B3GALT1: variants seen among roughly 807,000 people sequenced by gnomAD.
B3GALT1 encodes beta-1,3-galactosyltransferase 1.
A neutral mutation model predicts 23.2 loss-of-function variants in B3GALT1; 10 were observed. That is an observed-to-expected ratio of 0.43 (90% CI 0.27 to 0.73). The LOEUF is 0.73. Among genes scored for constraint, B3GALT1 ranks in the 30% least tolerant of loss-of-function variants. The probability of loss-of-function intolerance (pLI) is 0.21; values close to 1 mark genes in which losing one functional copy is unlikely to be tolerated. For missense variants in B3GALT1, 299 were observed against 405.4 expected (o/e 0.74, Z 2.25); for synonymous variants, 156 against 141.5 (o/e 1.10, Z -0.73).
intron 2 of B3GALT1, among the ~76,000 whole-genome samples, chr2:167,601,515 T>G (rs896929779): frequency 5.3e-5 from 8 of 152,226 alleles, no homozygotes; most frequent in Non-Finnish European, 1.0e-4. Context: ...CATTACATGT[T>G]TTTACACTTC....
At chr2:167,508,276 C>G (rs1171384742) in intron 2 of B3GALT1, among the ~76,000 whole-genome samples, 11 of 87,820 alleles carry the variant, frequency 1.3e-4, no homozygotes, top group African/African-American at 4.8e-4. Flanking sequence ...TTTTTTTTTT[C>G]AGACGGAGTC....
At chr2:167,336,785 T>C (rs1697064158) in intron 1 of B3GALT1, among the ~76,000 whole-genome samples, 1 of 152,262 alleles carries the variant, frequency 6.6e-6, no homozygotes, top group African/African-American at 2.4e-5. Flanking sequence ...TTTTCTTAAA[T>C]CAGTAGTTGG....
At chr2:167,581,273 A>G (rs1383807897) in intron 2 of B3GALT1, among the ~76,000 whole-genome samples, 1 of 152,212 alleles carries the variant, frequency 6.6e-6, no homozygotes, top group Non-Finnish European at 1.5e-5. Context: ...TAAATAGGCA[A>G]TTTCAATATA....
At chr2:167,574,380 A>G (rs186567773) in intron 2 of B3GALT1, among the ~76,000 whole-genome samples, 1 of 151,862 alleles carries the variant, frequency 6.6e-6, no homozygotes, top group Non-Finnish European at 1.5e-5. Flanking sequence ...TACCAGTAGT[A>G]GTCAACTAAA....
intron 2 of B3GALT1, among the ~76,000 whole-genome samples, chr2:167,582,845 C>T (rs75703942): frequency 0.073 from 11,108 of 152,248 alleles, 582 homozygotes; most frequent in Non-Finnish European, 0.12. Context: ...AGGCCCCGCA[C>T]TGATCCTGGC....
At chr2:167,472,190 G>A (rs1342098618) in intron 1 of B3GALT1, among the ~76,000 whole-genome samples, 1 of 152,140 alleles carries the variant, frequency 6.6e-6, no homozygotes, top group South Asian at 2.1e-4. Context: ...TTAGACAATC[G>A]TTATGTGTTG....
chr2:167,553,104 A>G (rs1020005458), intron 2 of B3GALT1, among the ~76,000 whole-genome samples: 7 of 152,196 alleles, frequency 4.6e-5, no homozygotes, highest in African/African-American at 1.7e-4. Context: ...AATCCAGAGA[A>G]TAATTTTTAA....
intron 2 of B3GALT1, among the ~76,000 whole-genome samples, chr2:167,586,475 A>G (rs1042372231): frequency 2.6e-5 from 4 of 151,842 alleles, no homozygotes; most frequent in African/African-American, 9.7e-5. Context: ...AATTTTTTGT[A>G]TTTTTAGTAG....
intron 4 of B3GALT1, among the ~76,000 whole-genome samples, chr2:167,842,429 G>A (rs539375531): frequency 2.4e-4 from 36 of 152,198 alleles, no homozygotes; most frequent in East Asian, 2.1e-3. Context: ...GAAATAAATC[G>A]TAAGTGACTA....
At chr2:167,425,453 A>G (rs1698609661) in intron 1 of B3GALT1, among the ~76,000 whole-genome samples, 1 of 152,218 alleles carries the variant, frequency 6.6e-6, no homozygotes, top group South Asian at 2.1e-4. Context: ...TTTAAAAAGC[A>G]TTTATCTCAA....
At chr2:167,669,645 G>A (rs1686285627) in intron 3 of B3GALT1, among the ~76,000 whole-genome samples, 1 of 152,098 alleles carries the variant, frequency 6.6e-6, no homozygotes, top group Non-Finnish European at 1.5e-5. Flanking sequence ...CATATATTTT[G>A]TACATTTACA....
chr2:167,781,810 C>T lies in B3GALT1; in HGVS notation c.-351-36862C>T, dbSNP rs534278398. On this transcript the variant is annotated intron_variant, in intron 3 of 4. Transcript: ENST00000392690. ...AGGCTGGAATGCAGTGGCGCAATCTCAGCTCACTGCAACCTCTGCCTCCTG... is the reference window on the plus strand; with the variant it reads ...AGGCTGGAATGCAGTGGCGCAATCTTAGCTCACTGCAACCTCTGCCTCCTG... Among the ~76,000 whole-genome samples the T allele has an allele frequency of 7.9e-5, 12 of 152,236 alleles. No homozygotes were observed. The South Asian group carries it at 2.5e-3, about 32-fold the overall frequency.
At chr2:167,814,295 C>T (rs1688947483) in intron 3 of B3GALT1, among the ~76,000 whole-genome samples, 1 of 152,084 alleles carries the variant, frequency 6.6e-6, no homozygotes, top group Non-Finnish European at 1.5e-5. Flanking sequence ...AGCTTAGTTG[C>T]CTCTTTCAGA....
intron 3 of B3GALT1, among the ~76,000 whole-genome samples, chr2:167,718,864 C>T (rs116219840): frequency 0.015 from 2,327 of 152,188 alleles, 35 homozygotes; most frequent in Admixed American, 0.032. Flanking sequence ...AGTTTTATGG[C>T]CTGCTTCAGG....
At chr2:167,361,422 G>A (rs950920129) in intron 1 of B3GALT1, among the ~76,000 whole-genome samples, 3 of 152,126 alleles carry the variant, frequency 2.0e-5, no homozygotes, top group Non-Finnish European at 4.4e-5. Context: ...AGAAAAAAAT[G>A]TTATTAAAGA....
At chr2:167,349,764 TG>T in intron 1 of B3GALT1, among the ~76,000 whole-genome samples, 1 of 152,256 alleles carries the variant, frequency 6.6e-6, no homozygotes, top group East Asian at 1.9e-4. Flanking sequence ...AGACATCCAC[TG>T]GGGGTCTTGG....
At chr2:167,615,396 G>A (rs547622255) in intron 2 of B3GALT1, among the ~76,000 whole-genome samples, 1 of 151,926 alleles carries the variant, frequency 6.6e-6, no homozygotes, top group South Asian at 2.1e-4. Context: ...TGGAGGGTGA[G>A]GAGAGTAGGA....
chr2:167,378,000 T>C (rs1279948760), intron 1 of B3GALT1, among the ~76,000 whole-genome samples: 2 of 152,190 alleles, frequency 1.3e-5, no homozygotes, highest in African/African-American at 2.4e-5. Flanking sequence ...AGGCATCCCT[T>C]GTAAGGCCAG....
At chr2:167,422,272 T>C (rs1198297281) in intron 1 of B3GALT1, among the ~76,000 whole-genome samples, 3 of 149,804 alleles carry the variant, frequency 2.0e-5, no homozygotes, top group Non-Finnish European at 4.4e-5. Flanking sequence ...CTCTGCTATA[T>C]GAAGATATAA....
Sources: gnomAD v4.1 joint callset for allele counts (sites outside exome capture counted in the v4.1 genomes callset) on GRCh38, gnomAD v4.1.1 for gene constraint, MANE v1.5 for transcripts, NCBI Gene and HGNC (gene_info 2026-07-23, HGNC 2026-07-21) for gene names.